Variants in ERLIN2 observed in about 807,000 individuals in gnomAD.
ERLIN2 encodes the protein ER lipid raft associated 2.
In ERLIN2, 22 loss-of-function variants were observed where a neutral mutation model predicts 41.5. That is an observed-to-expected ratio of 0.53 (90% confidence interval 0.38 to 0.76). The LOEUF (loss-of-function observed/expected upper bound fraction) is 0.76. Among genes scored for constraint, ERLIN2 ranks in the 30% least tolerant of loss-of-function variants. ERLIN2 has a pLI of 0.00. For synonymous variants in ERLIN2, 149 were observed against 150.9 expected (o/e 0.99, Z 0.09); for missense variants, 247 against 414.3 (o/e 0.60, Z 3.51).
chr8:37,754,231 G>C lies in ERLIN2; in HGVS notation c.*116G>C, dbSNP rs545724798. On this transcript the variant is annotated 3_prime_UTR_variant, in exon 12 of 12. Coordinates refer to ENST00000519638, the MANE Select transcript of ERLIN2 (RefSeq NM_007175.8). ...CTGACTGTCTTCCAGTTACTGTGGT[G>C]AAAAAGAAGAAATGAACTTAAATCC... is the stretch of plus-strand genomic sequence containing the variant. The C allele has an allele frequency of 1.1e-4, 88 of 831,756 alleles. No individual in the cohort carries two copies. The African/African-American group carries it at 1.2e-3, about 11-fold the overall frequency. 51.5% of individuals were successfully genotyped at this position (831,756 alleles called of 1,614,324 possible).
chr8:37,747,689 G>C (rs1001606083), intron 6 of ERLIN2: 2 of 1,590,196 alleles, frequency 1.3e-6, no homozygotes, highest in Non-Finnish European at 8.6e-7. Flanking sequence ...GCATTCTTCG[G>C]CTGGGATTGG....
Position 37,753,909 on chromosome 8 carries a change from T to A in ERLIN2, c.820-6T>A, listed in dbSNP as rs781430029. The A allele has an allele frequency of 5.5e-5, 89 of 1,605,926 alleles. No individual in the cohort carries two copies. The South Asian group carries it at 8.6e-4, about 15-fold the overall frequency. On this transcript the variant is annotated splice_polypyrimidine_tract_variant and splice_region_variant and intron_variant, in intron 11 of 11. Coordinates refer to ENST00000519638, the MANE Select transcript of ERLIN2 (RefSeq NM_007175.8). ...AAGTCTTCCATACTTTTTTTTTTTTTAACAGCTGAAGCTAACCCCTGAATA... is the reference window on the plus strand; with the variant it reads ...AAGTCTTCCATACTTTTTTTTTTTTAAACAGCTGAAGCTAACCCCTGAATA...
chr8:37,742,340 T>TAAAAAA (rs770233868), intron 4 of ERLIN2, among the ~76,000 whole-genome samples: 1 of 127,360 alleles, frequency 7.9e-6, no homozygotes, highest in South Asian at 2.5e-4. Flanking sequence ...ACTCCGTCTT[T>TAAAAAA]AAAAAAAAAA....
chr8:37,755,331 ATT>A lies in ERLIN2; in HGVS notation c.*1219_*1220del, dbSNP rs1803329869. The A allele has an allele frequency of 6.6e-6, 1 of 152,256 alleles. No individual in the cohort carries two copies. Among genetic ancestry groups the A allele is most frequent in the Admixed American group, 6.5e-5 (1 of 15,286 alleles). The allele number at this position is 152,256 out of a possible 1,614,324, so 9.4% of individuals were successfully genotyped here. ...TTCTTTTTCATTACTAGGTCAGAACATTTTGAGTCACCTTGGGAGATTCAGGA... is the reference window on the plus strand; with the variant it reads ...TTCTTTTTCATTACTAGGTCAGAACATTGAGTCACCTTGGGAGATTCAGGA... On this transcript the variant is annotated 3_prime_UTR_variant, in exon 12 of 12. Transcript: ENST00000519638.
In ERLIN2 at chr8:37,754,296, G is replaced by A. The variant is rs1157038915; in HGVS notation, c.*181G>A. 4 of 639,756 alleles carry A rather than the reference G, an allele frequency of 6.3e-6. No homozygotes were observed. The highest frequency in any genetic ancestry group is 1.8e-5 in the South Asian group (1 of 56,426). The allele number at this position is 639,756 out of a possible 1,614,324, so 39.6% of individuals were successfully genotyped here. On this transcript the variant is annotated 3_prime_UTR_variant, in exon 12 of 12. Transcript: ENST00000519638. Reference sequence around the variant, plus strand: ...GAAAGGAGGGTGGGGACTGATGATGGGGGGTTTTATTTCAGGTAAGCAGTT... The same window carrying A: ...GAAAGGAGGGTGGGGACTGATGATGAGGGGTTTTATTTCAGGTAAGCAGTT...
intron 1 of ERLIN2, chr8:37,737,341 A>G (rs1223694099): frequency 5.4e-6 from 1 of 184,172 alleles, no homozygotes; most frequent in Non-Finnish European, 1.2e-5. Flanking sequence ...GGCCAAAGGA[A>G]TAACTGGGAA....
At chr8:37,747,022 T>C (rs754668650) in intron 6 of ERLIN2, among the ~76,000 whole-genome samples, 28 of 152,330 alleles carry the variant, frequency 1.8e-4, no homozygotes, top group Middle Eastern at 3.4e-3. Context: ...AACCAGCCAC[T>C]TTAGAGACCA....
In ERLIN2 at chr8:37,747,520, A is replaced by G. The variant is rs781128478; in HGVS notation, c.425-2039A>G. Reference sequence around the variant, plus strand: ...CTCAATCTCCTCTTCCTCTTCATCAATGGTAGACACAGTGACAGAACTGAA... The same window carrying G: ...CTCAATCTCCTCTTCCTCTTCATCAGTGGTAGACACAGTGACAGAACTGAA... On this transcript the variant is annotated intron_variant, in intron 6 of 11. Transcript: ENST00000519638. The G allele has an allele frequency of 9.3e-6, 15 of 1,612,462 alleles. No homozygotes were observed. The Admixed American group carries it at 1.2e-4, about 13-fold the overall frequency.
intron 11 of ERLIN2, among the ~76,000 whole-genome samples, 164 bp downstream of exon 11, chr8:37,753,693 G>A (rs1003421389): frequency 3.0e-4 from 45 of 152,316 alleles, no homozygotes; most frequent in African/African-American, 9.9e-4. Flanking sequence ...CCTTGGACAT[G>A]CCTTGATAGA....
Position 37,754,525 on chromosome 8 carries a change from T to C in ERLIN2, c.*410T>C. 3.6e-6 allele frequency: 1 copy of C among 278,794 alleles called. No homozygotes were observed. The allele number at this position is 278,794 out of a possible 1,614,324, so 17.3% of individuals were successfully genotyped here. On this transcript the variant is annotated 3_prime_UTR_variant, in exon 12 of 12. Coordinates refer to ENST00000519638, the MANE Select transcript of ERLIN2 (RefSeq NM_007175.8). ...TCACCTCTGCCTCCAAGGTAGGAGA[T>C]GTCTGTGGGTGAGGCTCAGCAACTG...
At chr8:37,748,754 G>A (rs1003053492) in intron 6 of ERLIN2, among the ~76,000 whole-genome samples, 1 of 152,204 alleles carries the variant, frequency 6.6e-6, no homozygotes, top group Admixed American at 6.5e-5. Context: ...TCTTATCAAG[G>A]ATATCATGGG....
chr8:37,739,288 G>A (rs1320645059), intron 2 of ERLIN2, among the ~76,000 whole-genome samples: 1 of 152,104 alleles, frequency 6.6e-6, no homozygotes, highest in Non-Finnish European at 1.5e-5. Flanking sequence ...CATATAACTT[G>A]ATTAGAAAGG....
chr8:37,755,732 T>C lies in ERLIN2; in HGVS notation c.*1617T>C, dbSNP rs1004292284. Reference sequence around the variant, plus strand: ...AGCTTGCTCAGAAGTTTTGGGAGCATTGAGCCTGCCTAGAAAGATACAGTG... The same window carrying C: ...AGCTTGCTCAGAAGTTTTGGGAGCACTGAGCCTGCCTAGAAAGATACAGTG... On this transcript the variant is annotated 3_prime_UTR_variant, in exon 12 of 12. Coordinates refer to ENST00000519638, the MANE Select transcript of ERLIN2 (RefSeq NM_007175.8). 2.0e-5 allele frequency: 3 copies of C among 152,072 alleles called. No individual in the cohort carries two copies. The highest frequency in any genetic ancestry group is 6.6e-5 in the Admixed American group (1 of 15,262). 9.4% of individuals were successfully genotyped at this position (152,072 alleles called of 1,614,324 possible).
chr8:37,757,653 A>G lies in ERLIN2; in HGVS notation c.*3538A>G, dbSNP rs1803390824. On this transcript the variant is annotated 3_prime_UTR_variant, in exon 12 of 12. Transcript: ENST00000519638. ...AGTTTTATTTGCAGTCTTGCTAAGT[A>G]AAATGAGTCTTTGTATCTACTTTTT... 6.6e-6 allele frequency: 1 copy of G among 152,250 alleles called. No homozygotes were observed. The highest frequency in any genetic ancestry group is 2.4e-5 in the African/African-American group (1 of 41,458). 9.4% of individuals were successfully genotyped at this position (152,250 alleles called of 1,614,324 possible).
At chr8:37,737,548 G>C (rs1585896176) in intron 1 of ERLIN2, 1 of 307,906 alleles carries the variant, frequency 3.2e-6, no homozygotes, top group Non-Finnish European at 6.3e-6. Context: ...AAGTACTGCA[G>C]CTGCCTCTCT....
At chr8:37,737,462 T>C (rs923313358) in intron 1 of ERLIN2, 1 of 201,932 alleles carries the variant, frequency 5.0e-6, no homozygotes, top group African/African-American at 2.3e-5. Context: ...CTGCAGGCAA[T>C]TAGGAGTGGG....
chr8:37,747,694 G>T (rs535390170), intron 6 of ERLIN2: 1 of 1,586,556 alleles, frequency 6.3e-7, no homozygotes, highest in South Asian at 1.1e-5. Context: ...CTTCGGCTGG[G>T]ATTGGTAGAA....
intron 6 of ERLIN2, chr8:37,745,406 A>C (rs1298541797): frequency 1.4e-6 from 1 of 692,276 alleles, no homozygotes; most frequent in Non-Finnish European, 2.5e-6. Context: ...TTTCAAAGTA[A>C]AGGCAACCTG....
rs757124378 is a variant in ERLIN2, at chr8:37,750,515, T to G, written c.649+29T>G. On this transcript the variant is annotated intron_variant, in intron 9 of 11. Transcript: ENST00000519638. Reference sequence around the variant, plus strand: ...TGAATGTGGTTCTGTGATCCCCCTTTCCAGGCAGAAAGGCTGGGGGTGGTG... The same window carrying G: ...TGAATGTGGTTCTGTGATCCCCCTTGCCAGGCAGAAAGGCTGGGGGTGGTG... 28 of 1,583,780 alleles carry G rather than the reference T, an allele frequency of 1.8e-5. No homozygotes were observed. The Admixed American group carries it at 4.5e-4, about 25-fold the overall frequency.
Sources: allele counts gnomAD v4.1 joint callset (sites outside exome capture counted in the v4.1 genomes callset), GRCh38; gene constraint gnomAD v4.1.1; transcripts MANE v1.5; gene names NCBI Gene and HGNC (gene_info 2026-07-23, HGNC 2026-07-21).